Variants in NXPH1 observed in about 807,000 individuals in gnomAD.
The protein encoded by NXPH1 is neurexophilin 1.
In NXPH1, 5 loss-of-function variants were observed where a neutral mutation model predicts 23.7. That is an observed-to-expected ratio of 0.21 (90% CI 0.11 to 0.44). The LOEUF is 0.44. Among genes scored for constraint, NXPH1 ranks in the 20% least tolerant of loss-of-function variants. The pLI is 0.99. For synonymous variants in NXPH1, 144 were observed against 122.2 expected (o/e 1.18, Z -1.18); for missense variants, 324 against 321.6 (o/e 1.01, Z -0.06).
intron 2 of NXPH1, among the ~76,000 whole-genome samples, chr7:8,625,655 C>G (rs1393269634): frequency 6.6e-6 from 1 of 152,096 alleles, no homozygotes; most frequent in East Asian, 1.9e-4. Context: ...CCCTATTTCT[C>G]AGAACTTTTA....
At chr7:8,586,908 A>G (rs1365269237) in intron 2 of NXPH1, among the ~76,000 whole-genome samples, 2 of 152,148 alleles carry the variant, frequency 1.3e-5, no homozygotes, top group Non-Finnish European at 2.9e-5. Flanking sequence ...TCTATCCCTT[A>G]GAGAAAAGAC....
chr7:8,519,649 CCTT>C (rs1817738412), intron 2 of NXPH1, among the ~76,000 whole-genome samples: 2 of 152,124 alleles, frequency 1.3e-5, no homozygotes, highest in Non-Finnish European at 2.9e-5. Context: ...TTTCCTTGTG[CCTT>C]CTTCTCTCTC....
At chr7:8,713,023 C>T (rs765751992) in intron 2 of NXPH1, among the ~76,000 whole-genome samples, 15 of 151,632 alleles carry the variant, frequency 9.9e-5, no homozygotes, top group Non-Finnish European at 1.9e-4. Context: ...CTCTCTCTAC[C>T]TCCTCTTTAA....
chr7:8,520,531 G>C (rs1817753660), intron 2 of NXPH1, among the ~76,000 whole-genome samples: 1 of 152,164 alleles, frequency 6.6e-6, no homozygotes, highest in African/African-American at 2.4e-5. Flanking sequence ...GACCCAAAGG[G>C]AAGTGCTTAT....
chr7:8,613,780 A>T (rs1227396741), intron 2 of NXPH1, among the ~76,000 whole-genome samples: 1 of 149,648 alleles, frequency 6.7e-6, no homozygotes, highest in Non-Finnish European at 1.5e-5. Flanking sequence ...TTTTATTTTT[A>T]ACTAATAACA....
chr7:8,748,368 C>T (rs975360047), intron 2 of NXPH1, among the ~76,000 whole-genome samples: 11 of 152,156 alleles, frequency 7.2e-5, no homozygotes, highest in Non-Finnish European at 1.3e-4. Context: ...AAAAAGTTGG[C>T]AGCGAAGATA....
At chr7:8,737,862 C>G (rs1200766048) in intron 2 of NXPH1, among the ~76,000 whole-genome samples, 1 of 152,158 alleles carries the variant, frequency 6.6e-6, no homozygotes, top group Admixed American at 6.5e-5. Context: ...ATCTTGTCTT[C>G]ACACTTTATT....
In NXPH1 at chr7:8,732,243, G is replaced by A. The variant is rs755727022; in HGVS notation, c.55-18765G>A. ...CCCACTGACTTGCGCCCAGTGTCTGGCACTCCCTAGTGAGATGAACCCGGT... is the reference window on the plus strand; with the variant it reads ...CCCACTGACTTGCGCCCAGTGTCTGACACTCCCTAGTGAGATGAACCCGGT... On this transcript the variant is annotated intron_variant, in intron 2 of 2. Coordinates refer to ENST00000405863, the MANE Select transcript of NXPH1 (RefSeq NM_152745.3). Among the ~76,000 whole-genome samples the A allele has an allele frequency of 1.0e-3, 157 of 152,320 alleles. 1 individual carries two copies. The highest frequency in any genetic ancestry group is 3.4e-3 in the Middle Eastern group (1 of 294).
intron 2 of NXPH1, among the ~76,000 whole-genome samples, chr7:8,509,741 A>G (rs1817584202): frequency 6.6e-6 from 1 of 152,078 alleles, no homozygotes; most frequent in African/African-American, 2.4e-5. Flanking sequence ...GTTTTTCACT[A>G]TGGGCTTCAC....
chr7:8,586,115 G>C (rs76057095), intron 2 of NXPH1, among the ~76,000 whole-genome samples: 5 of 152,044 alleles, frequency 3.3e-5, no homozygotes, highest in Non-Finnish European at 5.9e-5. Flanking sequence ...TGAACACACC[G>C]TATCTATCTT....
At chr7:8,603,941 A>C (rs1020990520) in intron 2 of NXPH1, among the ~76,000 whole-genome samples, 23 of 152,310 alleles carry the variant, frequency 1.5e-4, no homozygotes, top group African/African-American at 5.5e-4. Context: ...TATCAAGACT[A>C]TTATTGAAAT....
Position 8,477,789 on chromosome 7 carries a change from A to G in NXPH1, c.54+42022A>G, listed in dbSNP as rs534017200. On this transcript the variant is annotated intron_variant, in intron 2 of 2. Coordinates refer to ENST00000405863, the MANE Select transcript of NXPH1 (RefSeq NM_152745.3). ...CTGAGCTGAAAAATCATCACTGTCT[A>G]GTTAGCCATTATTGCTATTCTATTT... 6.6e-5 allele frequency among the ~76,000 whole-genome samples: 10 copies of G among 152,232 alleles called. No homozygotes were observed. In the South Asian group the frequency reaches 1.9e-3, roughly 28 times the overall value.
In NXPH1 at chr7:8,445,243, G is replaced by C. The variant is rs1563312207; in HGVS notation, c.54+9476G>C. ...CAAGTCTAAAGGACTATCTCTCTGA[G>C]ATCAGACCCCACAGTCAAGCCTCTT... On this transcript the variant is annotated intron_variant, in intron 2 of 2. Coordinates refer to ENST00000405863, the MANE Select transcript of NXPH1 (RefSeq NM_152745.3). Among the ~76,000 whole-genome samples, 5 of 152,342 alleles carry C rather than the reference G, an allele frequency of 3.3e-5. No homozygotes were observed. The East Asian group carries it at 7.7e-4, about 23-fold the overall frequency.
At chr7:8,586,829 T>G (rs1387367739) in intron 2 of NXPH1, among the ~76,000 whole-genome samples, 3 of 152,056 alleles carry the variant, frequency 2.0e-5, no homozygotes, top group Non-Finnish European at 2.9e-5. Flanking sequence ...GTAAGGTATT[T>G]CAATTGATTT....
intron 2 of NXPH1, among the ~76,000 whole-genome samples, chr7:8,739,225 C>G (rs917878716): frequency 1.1e-4 from 15 of 132,688 alleles, no homozygotes; most frequent in African/African-American, 4.2e-4. Context: ...AGCTCTTTGT[C>G]TGCCCAAATG....
intron 2 of NXPH1, among the ~76,000 whole-genome samples, chr7:8,530,338 A>C (rs956883000): frequency 3.9e-5 from 6 of 152,230 alleles, no homozygotes; most frequent in Non-Finnish European, 7.3e-5. Context: ...ACGTGTTAGA[A>C]TACAAAGAAC....
chr7:8,599,518 C>G (rs1819306715), intron 2 of NXPH1, among the ~76,000 whole-genome samples: 1 of 152,100 alleles, frequency 6.6e-6, no homozygotes. Flanking sequence ...TGGTAGGCAC[C>G]TATGTCTGCC....
intron 2 of NXPH1, among the ~76,000 whole-genome samples, chr7:8,473,836 G>C (rs146030308): frequency 1.6e-3 from 244 of 152,018 alleles, no homozygotes; most frequent in African/African-American, 5.6e-3. Flanking sequence ...GACTAGTCTA[G>C]ATGAATCTAC....
chr7:8,516,734 A>G (rs1043791429), intron 2 of NXPH1, among the ~76,000 whole-genome samples: 1 of 152,146 alleles, frequency 6.6e-6, no homozygotes, highest in South Asian at 2.1e-4. Context: ...AACTTTAGTG[A>G]GAAGTGGAGA....
Sources: allele counts gnomAD v4.1 joint callset (sites outside exome capture counted in the v4.1 genomes callset), GRCh38; gene constraint gnomAD v4.1.1; transcripts MANE v1.5; gene names NCBI Gene and HGNC (gene_info 2026-07-23, HGNC 2026-07-21).